ADCY1: variants seen among roughly 807,000 people sequenced by gnomAD.
The protein encoded by ADCY1 is adenylate cyclase 1.
A neutral mutation model predicts 105.4 loss-of-function variants in ADCY1; 28 were observed. That is an observed-to-expected ratio of 0.27 (90% confidence interval 0.20 to 0.36). ADCY1 has a LOEUF of 0.36. Ranked by LOEUF, ADCY1 falls within the 10% of genes least tolerant of loss-of-function variation. The pLI, the probability that ADCY1 is intolerant of heterozygous loss-of-function variation, is 1.00. For synonymous variants in ADCY1, 655 were observed against 623.8 expected (o/e 1.05, Z -0.75); for missense variants, 977 against 1,434.2 (o/e 0.68, Z 5.15).
chr7:45,658,573 G>T lies in ADCY1; in HGVS notation c.1307+688G>T, dbSNP rs182957156. Among the ~76,000 whole-genome samples the T allele has an allele frequency of 9.2e-5, 14 of 152,346 alleles. No individual in the cohort carries two copies. The South Asian group carries it at 1.0e-3, about 11-fold the overall frequency. On this transcript the variant is annotated intron_variant, in intron 6 of 19. Coordinates refer to ENST00000297323, the MANE Select transcript of ADCY1 (RefSeq NM_021116.4). ...TTTGCAGAACACTGGCTGCCCCTCAGTGTGCCCGGGGCTCAGCATAAAGCA... is the reference window on the plus strand; with the variant it reads ...TTTGCAGAACACTGGCTGCCCCTCATTGTGCCCGGGGCTCAGCATAAAGCA...
chr7:45,594,151 G>A (rs1044476805), intron 2 of ADCY1, among the ~76,000 whole-genome samples: 2 of 152,134 alleles, frequency 1.3e-5, no homozygotes, highest in Non-Finnish European at 2.9e-5. Context: ...ATGTGTTTGC[G>A]TGGGCATGCC....
chr7:45,691,307 A>G lies in ADCY1; in HGVS notation c.2454+4634A>G, dbSNP rs550892269. ...CGTGTCACAAGAAAGGGTTGCCCAC[A>G]TGGAGTATACTGCCATGTTTGTCCA... On this transcript the variant is annotated intron_variant, in intron 14 of 19. Coordinates refer to ENST00000297323, the MANE Select transcript of ADCY1 (RefSeq NM_021116.4). 2.0e-4 allele frequency among the ~76,000 whole-genome samples: 30 copies of G among 152,338 alleles called. No homozygotes were observed. In the South Asian group the frequency reaches 3.3e-3, roughly 17 times the overall value.
rs1303864515 is a variant in ADCY1 at position 45,718,924 on chromosome 7, T to A, written c.*4929T>A. 2.0e-5 allele frequency: 3 copies of A among 152,960 alleles called. No homozygotes were observed. Among genetic ancestry groups the A allele is most frequent in the Non-Finnish European group, 2.9e-5 (2 of 68,254 alleles). 9.5% of individuals were successfully genotyped at this position (152,960 alleles called of 1,614,324 possible). On this transcript the variant is annotated 3_prime_UTR_variant, in exon 20 of 20. Coordinates refer to ENST00000297323, the MANE Select transcript of ADCY1 (RefSeq NM_021116.4). ...AGGCTCTTCTCATAGTTGTGGTTTT[T>A]CACAGATGGATTTGGGTGATCTGAG...
chr7:45,682,746 G>A (rs943188320), intron 11 of ADCY1, among the ~76,000 whole-genome samples: 25 of 152,186 alleles, frequency 1.6e-4, no homozygotes, highest in African/African-American at 4.8e-4. Flanking sequence ...GGTAGAGGCC[G>A]CATCCCATCA....
chr7:45,679,848 G>C (rs1418585619), intron 11 of ADCY1, 55 bp downstream of exon 11: 7 of 1,590,010 alleles, frequency 4.4e-6, no homozygotes, highest in African/African-American at 1.3e-5. Context: ...ATGTATGTGA[G>C]TGGCCTGTAT....
chr7:45,613,491 CAGA>C (rs1400468225), intron 3 of ADCY1, among the ~76,000 whole-genome samples: 1 of 152,148 alleles, frequency 6.6e-6, no homozygotes, highest in Non-Finnish European at 1.5e-5. Flanking sequence ...ATGGGAGTTA[CAGA>C]AGAAGAGTGA....
Position 45,574,988 on chromosome 7 carries a change from TCCGCCGGGG to T in ADCY1, c.450_458del (p.Ala152_Gly154del). ...CGCGCTGGGCGGCCCCGCCCGGGGT[TCCGCCGGGG>T]CCGCTGGGGGGCCAGCGACCGCCGA... On this transcript the variant is annotated inframe_deletion, in exon 1 of 20. Transcript: ENST00000297323. The surrounding 1 kb of genome is among the most constrained non-coding windows in gnomAD (Gnocchi z 7.0). The T allele has an allele frequency of 6.2e-7, 1 of 1,610,876 alleles. No individual in the cohort carries two copies. Among genetic ancestry groups the T allele is most frequent in the Non-Finnish European group, 8.5e-7 (1 of 1,178,978 alleles).
In ADCY1 at chr7:45,575,008, G is replaced by A; in HGVS notation, c.465G>A (p.Gly155=). Residue 155 remains glycine, a synonymous_variant, in exon 1 of 20, where the codon GGG becomes GGA. Transcript: ENST00000297323. The surrounding 1 kb of genome is among the most constrained non-coding windows in gnomAD (Gnocchi z 4.7). ...PARGSAGAAG[G]PATAEQGVWQ... ...GGGGTTCCGCCGGGGCCGCTGGGGG[G>A]CCAGCGACCGCCGAACAAGGGGTTT... 2 of 1,611,468 alleles carry A rather than the reference G, an allele frequency of 1.2e-6. No individual in the cohort carries two copies. Among genetic ancestry groups the A allele is most frequent in the East Asian group, 2.2e-5 (1 of 44,816 alleles).
intron 8 of ADCY1, among the ~76,000 whole-genome samples, chr7:45,662,807 C>T (rs969610740): frequency 1.2e-4 from 18 of 152,230 alleles, no homozygotes; most frequent in Admixed American, 3.3e-4. Context: ...TTCCCCACCC[C>T]CGGACCCCAG....
chr7:45,635,057 A>G (rs1457274387), intron 4 of ADCY1, among the ~76,000 whole-genome samples: 2 of 151,578 alleles, frequency 1.3e-5, no homozygotes, highest in East Asian at 3.9e-4. Flanking sequence ...TTACCAGTGA[A>G]TCCATCTGGA....
chr7:45,686,293 C>T lies in ADCY1; in HGVS notation c.2327+78C>T. The stretch of plus-strand genomic sequence containing the variant: ...TGTGTATACAGATATGCACTACAGG[C>T]TTCTGAGTCCAGAACTAGTCAAGTT... On this transcript the variant is annotated intron_variant, in intron 13 of 19. Transcript: ENST00000297323. The surrounding 1 kb of genome is among the most constrained non-coding windows in gnomAD (Gnocchi z 4.3). 1 of 1,534,932 alleles carries T rather than the reference C, an allele frequency of 6.5e-7. No homozygotes were observed. Among genetic ancestry groups the T allele is most frequent in the South Asian group, 1.3e-5 (1 of 78,030 alleles).
Position 45,721,459 on chromosome 7 carries a change from A to T in ADCY1, c.*7464A>T. 1 of 389,546 alleles carries T rather than the reference A, an allele frequency of 2.6e-6. No homozygotes were observed. The highest frequency in any genetic ancestry group is 4.5e-6 in the Non-Finnish European group (1 of 220,948). The allele number at this position is 389,546 out of a possible 1,614,324, so 24.1% of individuals were successfully genotyped here. Reference sequence around the variant, plus strand: ...GAATCTCCTTAAGAGCTGTTGCCTTATTTTTTTGTAAAGCCTCTCTGACAT... The same window carrying T: ...GAATCTCCTTAAGAGCTGTTGCCTTTTTTTTTTGTAAAGCCTCTCTGACAT... On this transcript the variant is annotated 3_prime_UTR_variant, in exon 20 of 20. Transcript: ENST00000297323.
intron 2 of ADCY1, among the ~76,000 whole-genome samples, chr7:45,607,088 C>G (rs989004176): frequency 4.6e-5 from 7 of 151,838 alleles, no homozygotes; most frequent in African/African-American, 1.5e-4. Flanking sequence ...GTACTTTAGT[C>G]TGTGGTTATT....
chr7:45,585,999 G>T (rs1792711491), intron 1 of ADCY1, among the ~76,000 whole-genome samples: 1 of 152,122 alleles, frequency 6.6e-6, no homozygotes, highest in Non-Finnish European at 1.5e-5. Flanking sequence ...GACACGTGGG[G>T]AGCGGACTGT....
intron 14 of ADCY1, among the ~76,000 whole-genome samples, chr7:45,690,194 G>A (rs930497077): frequency 3.3e-5 from 5 of 152,194 alleles, no homozygotes; most frequent in African/African-American, 9.7e-5. Context: ...TCAAGTGAGG[G>A]TGCAGTAGTG....
chr7:45,583,433 A>C (rs573175444), intron 1 of ADCY1, among the ~76,000 whole-genome samples: 49 of 152,296 alleles, frequency 3.2e-4, no homozygotes, highest in Admixed American at 1.9e-3. Flanking sequence ...GCACATTCTG[A>C]ATCTGAGCAC....
intron 17 of ADCY1, among the ~76,000 whole-genome samples, chr7:45,705,452 A>G (rs1272611954): frequency 6.6e-6 from 1 of 152,224 alleles, no homozygotes; most frequent in African/African-American, 2.4e-5. Context: ...CATCAAATCA[A>G]CAGGATAAAG....
chr7:45,623,831 G>C (rs1793975063), intron 4 of ADCY1, among the ~76,000 whole-genome samples: 1 of 152,150 alleles, frequency 6.6e-6, no homozygotes, highest in Non-Finnish European at 1.5e-5. Context: ...TCCGGTGTCA[G>C]GAGAGCCCAG....
chr7:45,593,241 C>G (rs1252542549), intron 2 of ADCY1, among the ~76,000 whole-genome samples: 1 of 152,176 alleles, frequency 6.6e-6, no homozygotes, highest in Non-Finnish European at 1.5e-5. Context: ...ATGAATGTGA[C>G]CGTGCAGGTG....
Sources: allele counts gnomAD v4.1 joint callset (sites outside exome capture counted in the v4.1 genomes callset), GRCh38; gene constraint gnomAD v4.1.1; non-coding constraint Gnocchi (gnomAD v3.1); transcripts MANE v1.5; gene names NCBI Gene and HGNC (gene_info 2026-07-23, HGNC 2026-07-21).